Variants in UST observed in about 807,000 individuals in gnomAD.
UST encodes the protein chondroitin sulfate 2-O-sulfotransferase.
Under a neutral mutation model 45.6 loss-of-function variants are expected in UST, and 21 were observed. The observed-to-expected ratio is 0.46, with a 90% CI of 0.33 to 0.66. The LOEUF is 0.66. Ranked by LOEUF, UST falls within the 30% of genes least tolerant of loss-of-function variation. The probability of loss-of-function intolerance (pLI) is 0.02; values close to 1 mark genes in which losing one functional copy is unlikely to be tolerated. For synonymous variants in UST, 215 were observed against 200.6 expected (o/e 1.07, Z -0.61); for missense variants, 463 against 512.4 (o/e 0.90, Z 0.93).
At chr6:148,900,515 A>T (rs1779230622) in intron 2 of UST, among the ~76,000 whole-genome samples, 1 of 152,134 alleles carries the variant, frequency 6.6e-6, no homozygotes. Context: ...GTCTGCCACC[A>T]TGTGAGATGT....
At chr6:148,989,218 C>T (rs759988782) in intron 5 of UST, among the ~76,000 whole-genome samples, 2 of 116,584 alleles carry the variant, frequency 1.7e-5, no homozygotes, top group Non-Finnish European at 3.7e-5. Flanking sequence ...GGCCCCCCCC[C>T]ACCCCCCGCA....
At chr6:148,904,806 A>G (rs1052653325) in intron 2 of UST, among the ~76,000 whole-genome samples, 2 of 152,202 alleles carry the variant, frequency 1.3e-5, no homozygotes, top group African/African-American at 2.4e-5. Context: ...GGTGTGAGCC[A>G]CTGCACCCAG....
chr6:148,933,682 T>A (rs918439057), intron 2 of UST, among the ~76,000 whole-genome samples: 3 of 152,156 alleles, frequency 2.0e-5, no homozygotes, highest in Non-Finnish European at 4.4e-5. Context: ...ATGATGGTAA[T>A]TAGAAAACAG....
At chr6:148,787,417 G>A (rs1373931712) in intron 1 of UST, among the ~76,000 whole-genome samples, 1 of 152,062 alleles carries the variant, frequency 6.6e-6, no homozygotes, top group Admixed American at 6.6e-5. Flanking sequence ...GGCTAGCCAG[G>A]TCTCCCTGCA....
intron 5 of UST, among the ~76,000 whole-genome samples, chr6:149,007,636 C>T (rs1228228335): frequency 6.7e-6 from 1 of 150,294 alleles, no homozygotes; most frequent in Non-Finnish European, 1.5e-5. Context: ...GTTGGCCAGA[C>T]TAGTCTTGAA....
chr6:149,033,950 A>T (rs533091429), intron 7 of UST, among the ~76,000 whole-genome samples: 1 of 152,164 alleles, frequency 6.6e-6, no homozygotes, highest in Non-Finnish European at 1.5e-5. Flanking sequence ...GCGCAGCTAG[A>T]TGTTTCTTCG....
At chr6:149,049,925 T>TCACACACACACACA (rs1368206282) in intron 7 of UST, among the ~76,000 whole-genome samples, 1 of 128,718 alleles carries the variant, frequency 7.8e-6, no homozygotes, top group African/African-American at 3.2e-5. Context: ...TCTCTCTCTC[T>TCACACACACACACA]CTCTCTCACA....
chr6:148,909,714 A>C (rs1404510795), intron 2 of UST, among the ~76,000 whole-genome samples: 1 of 152,222 alleles, frequency 6.6e-6, no homozygotes, highest in Non-Finnish European at 1.5e-5. Context: ...ATTGCCAGCT[A>C]GTGCTCCTGC....
chr6:149,057,983 T>C (rs931763781), intron 7 of UST, among the ~76,000 whole-genome samples: 1 of 152,216 alleles, frequency 6.6e-6, no homozygotes, highest in African/African-American at 2.4e-5. Flanking sequence ...CTGCACATCA[T>C]GTATACATGT....
At position 148,987,027 on chromosome 6, in the gene UST, TC is replaced by T. The variant is rs777433395; in HGVS notation, c.681+22465del. Among the ~76,000 whole-genome samples the T allele has an allele frequency of 7.4e-4, 112 of 152,366 alleles. 1 individual carries two copies. In the Middle Eastern group the frequency reaches 0.014, roughly 19 times the overall value. ...AAAGATTGTGCTTCATACAGATGTA[TC>T]TTTCTGAATCTTACATTTTATAATG... On this transcript the variant is annotated intron_variant, in intron 5 of 7. Transcript: ENST00000367463.
chr6:148,896,986 C>G (rs1469402154), intron 2 of UST, among the ~76,000 whole-genome samples: 1 of 152,244 alleles, frequency 6.6e-6, no homozygotes, highest in South Asian at 2.1e-4. Flanking sequence ...CTGGAATGCA[C>G]TTAGCATGAT....
chr6:149,026,420 C>A (rs1055775973), intron 7 of UST, among the ~76,000 whole-genome samples: 3 of 152,182 alleles, frequency 2.0e-5, no homozygotes, highest in Non-Finnish European at 4.4e-5. Flanking sequence ...GGGCAAGACT[C>A]ACATATTTCT....
rs1353223093 is a variant in UST at position 149,060,270 on chromosome 6, ACCCT to A, written c.938-13561_938-13558del. ...CAAAAGTTTTCTGTTTACTTTATCA[ACCCT>A]CAGCACCAAGGCAGCCATGAAGTGC... is the stretch of plus-strand genomic sequence containing the variant. On this transcript the variant is annotated intron_variant, in intron 7 of 7. Transcript: ENST00000367463. Among the ~76,000 whole-genome samples, 5 of 152,110 alleles carry A rather than the reference ACCCT, an allele frequency of 3.3e-5. No individual in the cohort carries two copies. In the East Asian group the frequency reaches 9.6e-4, roughly 29 times the overall value.
At chr6:148,867,043 A>C (rs977672444) in intron 1 of UST, among the ~76,000 whole-genome samples, 1 of 151,994 alleles carries the variant, frequency 6.6e-6, no homozygotes, top group Non-Finnish European at 1.5e-5. Context: ...CACTTCTCCT[A>C]TGCTCAACTA....
intron 5 of UST, among the ~76,000 whole-genome samples, chr6:149,017,092 A>G (rs1775908850): frequency 6.6e-6 from 1 of 152,244 alleles, no homozygotes; most frequent in East Asian, 1.9e-4. Context: ...TAAATGTAAG[A>G]TGCAGCCGGG....
At chr6:149,010,018 T>TAA (rs990428647) in intron 5 of UST, among the ~76,000 whole-genome samples, 1 of 149,274 alleles carries the variant, frequency 6.7e-6, no homozygotes, top group African/African-American at 2.5e-5. Flanking sequence ...TAAGTTTTTT[T>TAA]AAAAAAAAAA....
At chr6:149,069,851 A>G (rs1776793955) in intron 7 of UST, among the ~76,000 whole-genome samples, 1 of 152,254 alleles carries the variant, frequency 6.6e-6, no homozygotes, top group African/African-American at 2.4e-5. Context: ...TTTGCAAGTG[A>G]TTGAAGACTA....
intron 5 of UST, among the ~76,000 whole-genome samples, chr6:148,993,564 G>A (rs564408511): frequency 6.6e-6 from 1 of 152,306 alleles, no homozygotes; most frequent in East Asian, 1.9e-4. Flanking sequence ...GATACTGTTT[G>A]TATATTTGTC....
chr6:148,853,170 T>C (rs1235148265), intron 1 of UST, among the ~76,000 whole-genome samples: 1 of 152,170 alleles, frequency 6.6e-6, no homozygotes. Context: ...GTGTTCTCAC[T>C]GTTCAGCTCC....
Sources: gnomAD v4.1 joint callset for allele counts (sites outside exome capture counted in the v4.1 genomes callset) on GRCh38, gnomAD v4.1.1 for gene constraint, MANE v1.5 for transcripts, NCBI Gene and HGNC (gene_info 2026-07-23, HGNC 2026-07-21) for gene names.